Variants in DYM observed in about 807,000 individuals in gnomAD.
DYM encodes dymeclin.
In DYM, 78 loss-of-function variants were observed where a neutral mutation model predicts 93.1. That is an observed-to-expected ratio of 0.84 (90% confidence interval 0.70 to 1.01). The LOEUF is 1.01. Among genes scored for constraint, DYM ranks in the 50% least tolerant of loss-of-function variants. The probability of loss-of-function intolerance (pLI) is 0.00; values close to 1 mark genes in which losing one functional copy is unlikely to be tolerated. For missense variants in DYM, 789 were observed against 845.0 expected, an observed-to-expected ratio of 0.93 and a Z score of 0.82; for synonymous variants, 321 against 319.7, an observed-to-expected ratio of 1.00 and a Z score of -0.04.
intron 17 of DYM, among the ~76,000 whole-genome samples, chr18:49,046,731 C>T (rs951191543): frequency 1.1e-4 from 16 of 152,116 alleles, no homozygotes; most frequent in African/African-American, 3.9e-4. Flanking sequence ...AAGACCCTAT[C>T]TTTACAAAAA....
chr18:49,202,612 T>C (rs368111486), intron 14 of DYM, among the ~76,000 whole-genome samples: 7,188 of 106,910 alleles, frequency 0.067, 224 homozygotes, highest in East Asian at 0.23. Flanking sequence ...GGCCGCCCAT[T>C]GTCTGAGATG....
intron 6 of DYM, among the ~76,000 whole-genome samples, chr18:49,337,845 A>C (rs2063785565): frequency 1.3e-5 from 2 of 152,210 alleles, no homozygotes; most frequent in Admixed American, 1.3e-4. Flanking sequence ...GAGCAGACGA[A>C]GAACAAGAAG....
intron 9 of DYM, 123 bp downstream of exon 9, chr18:49,286,311 A>T: frequency 8.7e-7 from 1 of 1,143,292 alleles, no homozygotes; most frequent in Non-Finnish European, 1.3e-6. Flanking sequence ...AGTTTTTCTC[A>T]TGTTTGACCA....
intron 13 of DYM, among the ~76,000 whole-genome samples, chr18:49,252,215 T>TAAAAAAAAAA (rs1568106366): frequency 2.2e-3 from 1 of 458 alleles, no homozygotes; most frequent in Non-Finnish European, 4.5e-3. Flanking sequence ...GAGACTTGCC[T>TAAAAAAAAAA]CAAAAAAAAA....
chr18:49,167,987 G>A (rs2088128527), intron 14 of DYM, among the ~76,000 whole-genome samples: 1 of 151,904 alleles, frequency 6.6e-6, no homozygotes, highest in Non-Finnish European at 1.5e-5. Flanking sequence ...GTATGAATAT[G>A]AATAAATCTC....
intron 1 of DYM, among the ~76,000 whole-genome samples, chr18:49,452,471 G>T (rs537320476): frequency 1.3e-4 from 20 of 152,068 alleles, no homozygotes; most frequent in Non-Finnish European, 2.5e-4. Context: ...TTGACAGGGT[G>T]CTGATTGGTG....
At chr18:49,137,653 C>T (rs1264327866) in intron 15 of DYM, among the ~76,000 whole-genome samples, 5 of 152,134 alleles carry the variant, frequency 3.3e-5, no homozygotes, top group Non-Finnish European at 5.9e-5. Flanking sequence ...TCTCTTTGGT[C>T]AGCTGTCCTC....
At chr18:49,291,565 G>A (rs893318302) in intron 8 of DYM, among the ~76,000 whole-genome samples, 1 of 152,088 alleles carries the variant, frequency 6.6e-6, no homozygotes, top group Non-Finnish European at 1.5e-5. Context: ...TGCAAATCTG[G>A]TATAAATTTT....
At chr18:49,347,325 T>C (rs539378254) in intron 6 of DYM, among the ~76,000 whole-genome samples, 1 of 152,230 alleles carries the variant, frequency 6.6e-6, no homozygotes, top group African/African-American at 2.4e-5. Context: ...TGTTGGATTT[T>C]TGAATAATAT....
At chr18:49,118,019 T>TTGTG (rs1555767053) in intron 16 of DYM, among the ~76,000 whole-genome samples, 2 of 134,932 alleles carry the variant, frequency 1.5e-5, no homozygotes, top group African/African-American at 6.3e-5. Flanking sequence ...TTTTTTTTTT[T>TTGTG]TGTGTGTGAG....
At chr18:49,080,060 C>T (rs1425790059) in intron 17 of DYM, among the ~76,000 whole-genome samples, 15 of 138,378 alleles carry the variant, frequency 1.1e-4, no homozygotes, top group African/African-American at 3.9e-4. Context: ...TAGGGGTGGC[C>T]GGGCAGAGGC....
chr18:49,273,218 T>C (rs1423778320), intron 10 of DYM, among the ~76,000 whole-genome samples: 3 of 152,152 alleles, frequency 2.0e-5, no homozygotes, highest in Admixed American at 6.6e-5. Flanking sequence ...TTACAAGTTG[T>C]AGCTAAAACT....
intron 8 of DYM, among the ~76,000 whole-genome samples, chr18:49,331,139 C>T (rs1307570984): frequency 6.6e-6 from 1 of 152,154 alleles, no homozygotes; most frequent in Non-Finnish European, 1.5e-5. Context: ...AAGGAGAGGA[C>T]ATGCTGCAGG....
At chr18:49,163,929 C>T in intron 14 of DYM, 142 bp from the exon 15 acceptor site, 1 of 636,068 alleles carries the variant, frequency 1.6e-6, no homozygotes, top group Non-Finnish European at 2.8e-6. Flanking sequence ...GTGTTAACAG[C>T]AAGATTAATA....
At chr18:49,121,476 GA>G (rs1333566858) in intron 15 of DYM, among the ~76,000 whole-genome samples, 39 of 152,088 alleles carry the variant, frequency 2.6e-4, no homozygotes, top group Non-Finnish European at 5.1e-4. Context: ...TGGGACAAAA[GA>G]GATATTCAAA....
At chr18:49,388,062 G>A (rs867106708) in intron 3 of DYM, among the ~76,000 whole-genome samples, 39 of 152,302 alleles carry the variant, frequency 2.6e-4, no homozygotes, top group African/African-American at 8.9e-4. Flanking sequence ...ATTAGTACCA[G>A]GCACAGTAGC....
chr18:49,260,850 C>T lies in DYM; in HGVS notation c.1252-2357G>A, dbSNP rs115212082. 3.1e-3 allele frequency among the ~76,000 whole-genome samples: 468 copies of T among 150,580 alleles called. 4 individuals are homozygous for T. The highest frequency in any genetic ancestry group is 0.011 in the African/African-American group (434 of 40,466). On this transcript the variant is annotated intron_variant, in intron 11 of 17. Transcript: ENST00000675505. ...TCAGCATGAACCACCCATGTACCAT[C>T]TCCGGGAGAAAAAAAAAAAACAAAA...
intron 3 of DYM, among the ~76,000 whole-genome samples, chr18:49,384,624 C>CAAAAAAAA (rs67349630): frequency 7.9e-6 from 1 of 126,904 alleles, no homozygotes; most frequent in African/African-American, 3.0e-5. Flanking sequence ...CACTCCATCT[C>CAAAAAAAA]AAAAAAAAAA....
intron 10 of DYM, among the ~76,000 whole-genome samples, chr18:49,280,811 C>A (rs111714381): frequency 2.9e-4 from 44 of 152,228 alleles, no homozygotes; most frequent in African/African-American, 8.9e-4. Context: ...TTATAAAATA[C>A]AAACACATGG....
Sources: gnomAD v4.1 joint callset for allele counts (sites outside exome capture counted in the v4.1 genomes callset) on GRCh38, gnomAD v4.1.1 for gene constraint, MANE v1.5 for transcripts, NCBI Gene and HGNC (gene_info 2026-07-23, HGNC 2026-07-21) for gene names.